The following ATG13 variants were observed in gnomAD, a reference collection of about 807,000 sequenced individuals.
ATG13 encodes the protein autophagy related 13, also known as autophagy-related protein 13.
In ATG13, 23 loss-of-function variants were observed where a neutral mutation model predicts 65.5. The observed-to-expected ratio is 0.35, with a 90% CI of 0.25 to 0.50. The LOEUF (loss-of-function observed/expected upper bound fraction) is 0.50. ATG13 is among the 20% of genes least tolerant of loss of function. The probability of loss-of-function intolerance (pLI) is 0.98; values close to 1 mark genes in which losing one functional copy is unlikely to be tolerated. For synonymous variants in ATG13, 252 were observed against 245.2 expected (o/e 1.03, Z -0.26); for missense variants, 566 against 677.0 (o/e 0.84, Z 1.82).
intron 15 of ATG13, 38 bp downstream of exon 15, chr11:46,667,925 A>G: frequency 6.6e-7 from 1 of 1,517,624 alleles, no homozygotes; most frequent in South Asian, 1.1e-5. Flanking sequence ...AGAATGTCTG[A>G]GTTCTTAGAG....
chr11:46,620,221 G>A (rs1028011026), intron 1 of ATG13, among the ~76,000 whole-genome samples: 3 of 149,618 alleles, frequency 2.0e-5, no homozygotes, highest in African/African-American at 2.4e-5. Context: ...AGCCTCCCAA[G>A]TAGCTGGGAT....
At position 46,665,024 on chromosome 11, in the gene ATG13, A is replaced by AGG. The variant is rs2061993448; in HGVS notation, c.999+68_999+69dup. The AGG allele has an allele frequency of 2.0e-6, 3 of 1,468,214 alleles. No homozygotes were observed. In the South Asian group the frequency reaches 3.5e-5, roughly 17 times the overall value. The allele number at this position is 1,468,214 out of a possible 1,614,324, so 90.9% of individuals were successfully genotyped here. On this transcript the variant is annotated intron_variant, in intron 13 of 18. Transcript: ENST00000683050. ...TGCCTCCCCTGCCCGGAGGCAATTG[A>AGG]GGGGTCTCTCAAGGCAGAGGGATAT...
chr11:46,642,032 T>C (rs1292926821), intron 2 of ATG13, among the ~76,000 whole-genome samples: 12 of 152,242 alleles, frequency 7.9e-5, no homozygotes, highest in Middle Eastern at 3.4e-3. Flanking sequence ...GTGATCCAAC[T>C]GCCTCAGCCT....
At chr11:46,668,621 G>C (rs2062963947) in intron 16 of ATG13, 45 bp downstream of exon 16, 5 of 1,587,032 alleles carry the variant, frequency 3.2e-6, no homozygotes, top group Non-Finnish European at 4.3e-6. Context: ...TGGTGCGCTA[G>C]TCATTGTTCT....
chr11:46,654,943 A>C (rs925167063), intron 7 of ATG13, among the ~76,000 whole-genome samples: 1 of 151,964 alleles, frequency 6.6e-6, no homozygotes, highest in Non-Finnish European at 1.5e-5. Context: ...TACCAAAAAT[A>C]CAAAAATTAG....
chr11:46,627,634 C>A (rs1041916466), intron 1 of ATG13, among the ~76,000 whole-genome samples: 6 of 151,840 alleles, frequency 4.0e-5, no homozygotes, highest in Admixed American at 3.3e-4. Flanking sequence ...CCATGCCTGG[C>A]TAATTTTTTT....
Position 46,619,532 on chromosome 11 carries a change from G to T in ATG13, c.-70+1642G>T, listed in dbSNP as rs1022945560. Among the ~76,000 whole-genome samples the T allele has an allele frequency of 1.3e-4, 19 of 151,518 alleles. 1 individual carries two copies. The highest frequency in any genetic ancestry group is 1.3e-3 in the Admixed American group (19 of 15,194). ...CCTGAGTAGCTGGGATTACAGACAT[G>T]TGCCAGCACGCCCAGCTAATTTTGT... On this transcript the variant is annotated intron_variant, in intron 1 of 18. Coordinates refer to ENST00000683050, the MANE Select transcript of ATG13 (RefSeq NM_001346311.2).
At chr11:46,642,304 G>GTTTTTTTT (rs200225497) in intron 2 of ATG13, among the ~76,000 whole-genome samples, 2 of 107,920 alleles carry the variant, frequency 1.9e-5, no homozygotes, top group Non-Finnish European at 3.4e-5. Flanking sequence ...ATTTTTGTGG[G>GTTTTTTTT]TTTTTTTTTT....
intron 5 of ATG13, among the ~76,000 whole-genome samples, chr11:46,646,629 A>T (rs144819535): frequency 5.0e-4 from 76 of 151,806 alleles, no homozygotes; most frequent in African/African-American, 1.7e-3. Context: ...ATGCCCAGCT[A>T]GTTTCTTTAT....
intron 7 of ATG13, among the ~76,000 whole-genome samples, chr11:46,655,830 T>C (rs1316123731): frequency 6.6e-6 from 1 of 152,166 alleles, no homozygotes; most frequent in Non-Finnish European, 1.5e-5. Context: ...GTCAACTTCC[T>C]GGGCTTAAGT....
intron 1 of ATG13, among the ~76,000 whole-genome samples, chr11:46,618,962 C>T (rs978347122): frequency 3.9e-5 from 6 of 152,144 alleles, no homozygotes; most frequent in African/African-American, 1.4e-4. Flanking sequence ...GAGTTACATG[C>T]ATAAGCCACA....
At chr11:46,648,225 AGCTGGGACT>A (rs2058142147) in intron 5 of ATG13, among the ~76,000 whole-genome samples, 2 of 151,804 alleles carry the variant, frequency 1.3e-5, no homozygotes, top group South Asian at 4.1e-4. Context: ...CTTCCTGAGT[AGCTGGGACT>A]ACAGGCACCC....
rs1304585277 is a variant in ATG13, at chr11:46,665,438, A to G, written c.1055A>G (p.His352Arg). The G allele has an allele frequency of 1.9e-6, 3 of 1,614,158 alleles. No individual in the cohort carries two copies. Among genetic ancestry groups the G allele is most frequent in the African/African-American group, 1.3e-5 (1 of 75,038 alleles). ...GVPLAPNQPV[H>R]GTQADQERLA... ...CCCCTTGCTCCCAACCAGCCTGTCC[A>G]TGGTACCCAGGCTGACCAGGAGAGA... Residue 352 changes from histidine (H) to arginine (R), a missense_variant, in exon 14 of 19, where the codon CAT (histidine) becomes CGT (arginine). Coordinates refer to ENST00000683050, the MANE Select transcript of ATG13 (RefSeq NM_001346311.2).
chr11:46,640,182 A>T (rs185048794), intron 2 of ATG13, among the ~76,000 whole-genome samples: 95 of 152,278 alleles, frequency 6.2e-4, no homozygotes, highest in Non-Finnish European at 1.2e-3. Flanking sequence ...TATGATTCTA[A>T]CATCAGGGAG....
intron 8 of ATG13, chr11:46,656,876 T>C (rs1365732640): frequency 3.6e-6 from 2 of 550,632 alleles, no homozygotes; most frequent in African/African-American, 1.9e-5. Context: ...TGGCTCAATA[T>C]AGAATACATT....
At chr11:46,649,274 A>G (rs951332315) in intron 6 of ATG13, 91 bp downstream of exon 6, 35 of 1,443,852 alleles carry the variant, frequency 2.4e-5, no homozygotes, top group Non-Finnish European at 2.8e-5. Flanking sequence ...TTTCAGAGTC[A>G]GGGAGGGCAT....
intron 2 of ATG13, among the ~76,000 whole-genome samples, chr11:46,633,852 CTTGTG>C (rs2052912020): frequency 6.6e-6 from 1 of 152,136 alleles, no homozygotes. Flanking sequence ...TCTCTTTTAA[CTTGTG>C]TTGTCCCCAA....
At chr11:46,637,870 G>T (rs1013498865) in intron 2 of ATG13, among the ~76,000 whole-genome samples, 3 of 152,144 alleles carry the variant, frequency 2.0e-5, no homozygotes, top group Admixed American at 1.3e-4. Flanking sequence ...AGGGCATCCT[G>T]TGTGATTGGT....
chr11:46,629,912 GT>G (rs1239130501), intron 1 of ATG13, 132 bp from the exon 2 acceptor site: 2 of 151,972 alleles, frequency 1.3e-5, no homozygotes, highest in Non-Finnish European at 2.9e-5. Context: ...CTAAGGCTGT[GT>G]CGTCCCAAAG....
Sources: allele counts gnomAD v4.1 joint callset (sites outside exome capture counted in the v4.1 genomes callset), GRCh38; gene constraint gnomAD v4.1.1; transcripts MANE v1.5; gene names NCBI Gene and HGNC (gene_info 2026-07-23, HGNC 2026-07-21).